MBOAT1: variants seen among roughly 807,000 people sequenced by gnomAD.
MBOAT1 encodes the protein membrane-bound glycerophospholipid O-acyltransferase 1.
In MBOAT1, 67 loss-of-function variants were observed where a neutral mutation model predicts 64.4. That is an observed-to-expected ratio of 1.04 (90% CI 0.85 to 1.27). MBOAT1 has a LOEUF of 1.27. MBOAT1 is among the 50% of genes most tolerant of loss of function. MBOAT1 has a pLI of 0.00. For missense variants in MBOAT1, 563 were observed against 604.6 expected (o/e 0.93, Z 0.72); for synonymous variants, 229 against 218.9 (o/e 1.05, Z -0.41).
At chr6:20,157,121 A>C (rs1193899790) in intron 1 of MBOAT1, among the ~76,000 whole-genome samples, 2 of 152,040 alleles carry the variant, frequency 1.3e-5, no homozygotes, top group Admixed American at 6.6e-5. Flanking sequence ...CCATCCACCC[A>C]AAAAAATAAA....
chr6:20,175,757 C>T (rs138932889), intron 1 of MBOAT1, among the ~76,000 whole-genome samples: 1,829 of 151,646 alleles, frequency 0.012, 46 homozygotes, highest in African/African-American at 0.04. Flanking sequence ...CAGGCATGAG[C>T]CACTGCACCT....
At chr6:20,175,202 T>C (rs1433696907) in intron 1 of MBOAT1, among the ~76,000 whole-genome samples, 2 of 151,978 alleles carry the variant, frequency 1.3e-5, no homozygotes, top group African/African-American at 4.8e-5. Flanking sequence ...AGAAGAAAAA[T>C]TGCCTTTAGC....
At chr6:20,113,052 A>T in intron 10 of MBOAT1, 44 bp from the exon 11 acceptor site, 4 of 1,596,484 alleles carry the variant, frequency 2.5e-6, no homozygotes, top group Non-Finnish European at 3.4e-6. Context: ...AACATACCAG[A>T]AACTTCTAAG....
chr6:20,135,935 G>A (rs1163311206), intron 4 of MBOAT1, among the ~76,000 whole-genome samples: 1 of 152,166 alleles, frequency 6.6e-6, no homozygotes, highest in East Asian at 1.9e-4. Flanking sequence ...GATACAATGT[G>A]ACTTGTACAA....
chr6:20,169,927 C>T (rs1038461660), intron 1 of MBOAT1, among the ~76,000 whole-genome samples: 1 of 152,190 alleles, frequency 6.6e-6, no homozygotes, highest in African/African-American at 2.4e-5. Context: ...CCAGCCAAGT[C>T]ATCGACTATC....
intron 12 of MBOAT1, among the ~76,000 whole-genome samples, chr6:20,107,972 C>T (rs1581392817): frequency 1.3e-5 from 2 of 152,186 alleles, no homozygotes; most frequent in Admixed American, 1.3e-4. Flanking sequence ...GGCTTGAGGG[C>T]ATGGACAAAT....
chr6:20,203,845 G>T lies in MBOAT1; in HGVS notation c.99+8291C>A, dbSNP rs78331615. On this transcript the variant is annotated intron_variant, in intron 1 of 12. Transcript: ENST00000324607. ...GAGATTCACAGCAACCAACAGAAAA[G>T]GGGCCCAGTCTACCTGAGCCAGCAT... Among the ~76,000 whole-genome samples the T allele has an allele frequency of 2.6e-4, 39 of 151,534 alleles. No homozygotes were observed. The East Asian group carries it at 6.4e-3, about 25-fold the overall frequency.
intron 8 of MBOAT1, 29 bp from the exon 9 acceptor site, chr6:20,118,569 T>C (rs1406418598): frequency 6.4e-7 from 1 of 1,564,870 alleles, no homozygotes; most frequent in East Asian, 2.2e-5. Context: ...CACATTAGGA[T>C]ATGGAACAAA....
At chr6:20,182,836 C>G (rs1762547466) in intron 1 of MBOAT1, among the ~76,000 whole-genome samples, 1 of 152,216 alleles carries the variant, frequency 6.6e-6, no homozygotes, top group African/African-American at 2.4e-5. Context: ...GGAACTCTGG[C>G]TGACACCTGT....
chr6:20,129,954 A>G (rs1760769335), intron 5 of MBOAT1, among the ~76,000 whole-genome samples: 2 of 152,252 alleles, frequency 1.3e-5, no homozygotes, highest in African/African-American at 2.4e-5. Flanking sequence ...CATCCTTGGT[A>G]TAAAACTACC....
rs762718910 is a variant in MBOAT1 at position 20,119,989 on chromosome 6, C to CTGTG, written c.908-1453_908-1450dup. 7.4e-5 allele frequency among the ~76,000 whole-genome samples: 7 copies of CTGTG among 95,054 alleles called. No homozygotes were observed. The South Asian group carries it at 1.2e-3, about 16-fold the overall frequency. The allele number at this position is 95,054 out of a possible 152,430, so 62.4% of individuals were successfully genotyped here. On this transcript the variant is annotated intron_variant, in intron 8 of 12. Transcript: ENST00000324607. The stretch of plus-strand genomic sequence containing the variant: ...AAGAGAATAATGATAACTATCTTTT[C>CTGTG]TGTGTGTGTGTGTGTGCGTGTGTGT...
At chr6:20,208,445 C>CAAAA (rs10527757) in intron 1 of MBOAT1, among the ~76,000 whole-genome samples, 6 of 74,834 alleles carry the variant, frequency 8.0e-5, no homozygotes, top group African/African-American at 1.7e-4. Flanking sequence ...GACTCTGTCT[C>CAAAA]AAAAAAAAAA....
intron 1 of MBOAT1, among the ~76,000 whole-genome samples, chr6:20,206,133 T>C (rs1258808038): frequency 6.6e-6 from 1 of 152,162 alleles, no homozygotes; most frequent in Non-Finnish European, 1.5e-5. Context: ...AAGCAGCAGG[T>C]CAGAGCTTTT....
At chr6:20,196,862 C>CAAA (rs58418526) in intron 1 of MBOAT1, among the ~76,000 whole-genome samples, 1 of 145,918 alleles carries the variant, frequency 6.9e-6, no homozygotes, top group African/African-American at 2.6e-5. Flanking sequence ...AACTCCATCT[C>CAAA]AAAAAAAAAA....
At chr6:20,177,814 C>T (rs1008451299) in intron 1 of MBOAT1, among the ~76,000 whole-genome samples, 3 of 151,486 alleles carry the variant, frequency 2.0e-5, no homozygotes, top group Non-Finnish European at 4.4e-5. Flanking sequence ...TAAATGTTTC[C>T]AAGGCATTAT....
intron 9 of MBOAT1, among the ~76,000 whole-genome samples, chr6:20,117,021 G>A (rs890678587): frequency 6.6e-6 from 1 of 152,208 alleles, no homozygotes; most frequent in African/African-American, 2.4e-5. Context: ...AGAAGCTTAC[G>A]GATCATGTAT....
At chr6:20,162,669 C>T (rs984611275) in intron 1 of MBOAT1, among the ~76,000 whole-genome samples, 1 of 152,220 alleles carries the variant, frequency 6.6e-6, no homozygotes, top group African/African-American at 2.4e-5. Flanking sequence ...AGAAAACTCG[C>T]ACAAAGTCAA....
At position 20,126,514 on chromosome 6, in the gene MBOAT1, T is replaced by G; in HGVS notation, c.714+3A>C. ...CCCTATTCTCTAGACACTAAAAACT[T>G]ACTGTGGGAGAAGGTTCTGGCAAGC... On this transcript the variant is annotated splice_donor_region_variant and intron_variant, in intron 7 of 12. Transcript: ENST00000324607. The G allele has an allele frequency of 1.2e-6, 2 of 1,604,832 alleles. No homozygotes were observed. Among genetic ancestry groups the G allele is most frequent in the Non-Finnish European group, 1.7e-6 (2 of 1,177,766 alleles).
At chr6:20,200,451 T>G (rs1346749889) in intron 1 of MBOAT1, among the ~76,000 whole-genome samples, 1 of 152,188 alleles carries the variant, frequency 6.6e-6, no homozygotes, top group African/African-American at 2.4e-5. Context: ...GAGTACTGTT[T>G]CCAGGAGATG....
Sources: allele counts gnomAD v4.1 joint callset (sites outside exome capture counted in the v4.1 genomes callset), GRCh38; gene constraint gnomAD v4.1.1; transcripts MANE v1.5; gene names NCBI Gene and HGNC (gene_info 2026-07-23, HGNC 2026-07-21).